Variants in KHDRBS3 observed in about 807,000 individuals in gnomAD.
KHDRBS3 encodes KH RNA binding domain containing, signal transduction associated 3, also known as KH domain-containing, RNA-binding, signal transduction-associated protein 3.
In KHDRBS3, 23 loss-of-function variants were observed where a neutral mutation model predicts 45.6. That is an observed-to-expected ratio of 0.50 (90% CI 0.36 to 0.72). The LOEUF (loss-of-function observed/expected upper bound fraction) is 0.72. Ranked by LOEUF, KHDRBS3 falls within the 30% of genes least tolerant of loss-of-function variation. The pLI, the probability that KHDRBS3 is intolerant of heterozygous loss-of-function variation, is 0.00. For missense variants in KHDRBS3, 352 were observed against 424.8 expected, an observed-to-expected ratio of 0.83 and a Z score of 1.51; for synonymous variants, 162 against 156.5, an observed-to-expected ratio of 1.04 and a Z score of -0.26.
At chr8:135,621,683 A>C (rs1186197476) in intron 7 of KHDRBS3, among the ~76,000 whole-genome samples, 1 of 140,562 alleles carries the variant, frequency 7.1e-6, no homozygotes, top group African/African-American at 2.6e-5. Flanking sequence ...AACCAGAAGG[A>C]AGTTTTTGTG....
chr8:135,557,092 C>T (rs1826924433), intron 4 of KHDRBS3, among the ~76,000 whole-genome samples: 1 of 152,146 alleles, frequency 6.6e-6, no homozygotes, highest in Admixed American at 6.5e-5. Context: ...TTACTTGGTT[C>T]ATTATAGATA....
In KHDRBS3 at chr8:135,627,724, C is replaced by T. The variant is rs551909231; in HGVS notation, c.891-17335C>T. On this transcript the variant is annotated intron_variant, in intron 7 of 8. Transcript: ENST00000355849. ...CCACATAACCATGAGGAGAACATTT[C>T]CAGCACCCCAGAAGTTTCTCTGGCT... Among the ~76,000 whole-genome samples the T allele has an allele frequency of 2.6e-5, 4 of 152,302 alleles. No individual in the cohort carries two copies. The South Asian group carries it at 6.2e-4, about 24-fold the overall frequency.
At chr8:135,560,918 A>G (rs1260852293) in intron 5 of KHDRBS3, among the ~76,000 whole-genome samples, 2 of 152,188 alleles carry the variant, frequency 1.3e-5, no homozygotes, top group Non-Finnish European at 2.9e-5. Context: ...AGGCACCAGC[A>G]GGGCACTGAA....
chr8:135,527,644 G>A (rs1825260609), intron 2 of KHDRBS3, among the ~76,000 whole-genome samples: 1 of 152,218 alleles, frequency 6.6e-6, no homozygotes, highest in African/African-American at 2.4e-5. Context: ...GCATAGTCAT[G>A]CTGGAGTGAA....
chr8:135,622,773 A>T (rs537343090), intron 7 of KHDRBS3, among the ~76,000 whole-genome samples: 1 of 152,250 alleles, frequency 6.6e-6, no homozygotes, highest in South Asian at 2.1e-4. Flanking sequence ...GAGCCAAGTA[A>T]TCCAATACCA....
At chr8:135,643,705 C>T (rs1266917387) in intron 7 of KHDRBS3, among the ~76,000 whole-genome samples, 2 of 152,182 alleles carry the variant, frequency 1.3e-5, no homozygotes, top group Non-Finnish European at 2.9e-5. Context: ...GGAAAAACTC[C>T]GTGTGGTTGT....
Position 135,581,578 on chromosome 8 carries a change from C to A in KHDRBS3, c.612-300C>A, listed in dbSNP as rs1371469956. Among the ~76,000 whole-genome samples the A allele has an allele frequency of 2.0e-5, 3 of 152,246 alleles. No individual in the cohort carries two copies. In the East Asian group the frequency reaches 5.8e-4, roughly 29 times the overall value. ...AAGTTTGGGTGTAATCCTGGCATGGCATTATATAGAAGTCTTGGGTGCATG... is the reference window on the plus strand; with the variant it reads ...AAGTTTGGGTGTAATCCTGGCATGGAATTATATAGAAGTCTTGGGTGCATG... On this transcript the variant is annotated intron_variant, in intron 5 of 8. Transcript: ENST00000355849.
intron 7 of KHDRBS3, among the ~76,000 whole-genome samples, chr8:135,640,240 T>C (rs1030336652): frequency 4.6e-5 from 7 of 151,962 alleles, no homozygotes; most frequent in Admixed American, 2.6e-4. Flanking sequence ...CTGACATAAA[T>C]ACAAGCAAAA....
chr8:135,497,802 GTGT>G (rs1823533801), intron 1 of KHDRBS3, among the ~76,000 whole-genome samples: 1 of 152,170 alleles, frequency 6.6e-6, no homozygotes, highest in South Asian at 2.1e-4. Context: ...AATGAATAAA[GTGT>G]TAACCAAGTG....
intron 1 of KHDRBS3, among the ~76,000 whole-genome samples, chr8:135,499,198 A>G (rs16905379): frequency 0.014 from 2,125 of 152,262 alleles, 39 homozygotes; most frequent in African/African-American, 0.048. Context: ...TGCATACGGG[A>G]AATATAATGA....
intron 7 of KHDRBS3, chr8:135,625,143 T>A (rs755850195): frequency 2.6e-6 from 3 of 1,134,128 alleles, no homozygotes; most frequent in Non-Finnish European, 4.0e-6. Context: ...AGCACATGAT[T>A]TGGAGTGAAG....
In KHDRBS3 at chr8:135,499,786, G is replaced by T. The variant is rs539719334; in HGVS notation, c.89-21451G>T. ...GAGGAGGTTGCTCTGAATTTTTTTT[G>T]ATCAAAGAGACTTTTTATATCATGT... is the stretch of plus-strand genomic sequence containing the variant. On this transcript the variant is annotated intron_variant, in intron 1 of 8. Transcript: ENST00000355849. 5.5e-4 allele frequency among the ~76,000 whole-genome samples: 83 copies of T among 152,010 alleles called. 1 individual carries two copies. The highest frequency in any genetic ancestry group is 2.4e-3 in the Admixed American group (37 of 15,276).
At chr8:135,523,911 TA>T (rs1356494400) in intron 2 of KHDRBS3, among the ~76,000 whole-genome samples, 1 of 152,234 alleles carries the variant, frequency 6.6e-6, no homozygotes, top group African/African-American at 2.4e-5. Context: ...TTTTTAAAAC[TA>T]AAACCTTTGT....
intron 1 of KHDRBS3, among the ~76,000 whole-genome samples, chr8:135,488,081 G>T (rs554494165): frequency 6.6e-6 from 1 of 152,258 alleles, no homozygotes; most frequent in African/African-American, 2.4e-5. Context: ...GTGTATGTGG[G>T]ACATCAGTAT....
chr8:135,604,789 A>G (rs1403175638), intron 6 of KHDRBS3, among the ~76,000 whole-genome samples: 1 of 151,648 alleles, frequency 6.6e-6, no homozygotes, highest in South Asian at 2.1e-4. Context: ...AAAAGCTTAT[A>G]CTATCTTTTA....
At chr8:135,653,217 C>T (rs1831465401) in intron 4 of KHDRBS3, among the ~76,000 whole-genome samples, 1 of 152,094 alleles carries the variant, frequency 6.6e-6, no homozygotes, top group Admixed American at 6.5e-5. Context: ...GGGTTTTTCT[C>T]CCTGACTGCA....
intron 1 of KHDRBS3, among the ~76,000 whole-genome samples, chr8:135,513,156 C>T (rs553168797): frequency 4.6e-5 from 7 of 151,798 alleles, no homozygotes; most frequent in South Asian, 2.1e-4. Context: ...GCCGAGATTG[C>T]GCCACTGCAC....
intron 1 of KHDRBS3, among the ~76,000 whole-genome samples, chr8:135,502,138 AG>A (rs995384908): frequency 2.6e-4 from 40 of 152,316 alleles, no homozygotes; most frequent in African/African-American, 9.1e-4. Flanking sequence ...CATTGCCATT[AG>A]GTGCAGTTTT....
chr8:135,644,799 G>T (rs903090029), intron 7 of KHDRBS3, among the ~76,000 whole-genome samples: 1 of 152,152 alleles, frequency 6.6e-6, no homozygotes, highest in Non-Finnish European at 1.5e-5. Context: ...CACTTACTGT[G>T]TGTTGCGTGG....
Sources: allele counts gnomAD v4.1 joint callset (sites outside exome capture counted in the v4.1 genomes callset), GRCh38; gene constraint gnomAD v4.1.1; transcripts MANE v1.5; gene names NCBI Gene and HGNC (gene_info 2026-07-23, HGNC 2026-07-21).